SOX6: variants seen among roughly 807,000 people sequenced by gnomAD.
SOX6 encodes the protein SRY-box transcription factor 6, also known as transcription factor SOX-6.
SOX6 carries 11 observed loss-of-function variants against 97.8 expected under a neutral mutation model. That is an observed-to-expected ratio of 0.11 (90% CI 0.07 to 0.19). The LOEUF is 0.19. SOX6 is among the 10% of genes least tolerant of loss of function. SOX6 has a pLI of 1.00. For synonymous variants in SOX6, 360 were observed against 371.4 expected, an observed-to-expected ratio of 0.97 and a Z score of 0.35; for missense variants, 810 against 1,039.5, an observed-to-expected ratio of 0.78 and a Z score of 3.04.
chr11:16,053,596 G>A (rs1832963070), intron 10 of SOX6, among the ~76,000 whole-genome samples: 1 of 152,090 alleles, frequency 6.6e-6, no homozygotes, highest in African/African-American at 2.4e-5. Flanking sequence ...ACACTAAGTG[G>A]CTTGGCCAAG....
chr11:16,595,092 G>C (rs971810068), intron 4 of SOX6, among the ~76,000 whole-genome samples: 22 of 152,122 alleles, frequency 1.4e-4, no homozygotes, highest in Non-Finnish European at 3.2e-4. Flanking sequence ...ATATGACTAA[G>C]AGGATGTTTT....
chr11:16,129,270 G>A (rs1416189615), intron 6 of SOX6, among the ~76,000 whole-genome samples: 17 of 152,026 alleles, frequency 1.1e-4, no homozygotes, highest in African/African-American at 2.4e-5. Context: ...CCTACATCAT[G>A]TAAAGAGGAT....
rs189642841 is a variant in SOX6 at position 16,372,676 on chromosome 11, T to C, written c.-4-31424A>G. Among the ~76,000 whole-genome samples the C allele has an allele frequency of 3.9e-5, 6 of 152,106 alleles. No individual in the cohort carries two copies. The East Asian group carries it at 1.2e-3, about 29-fold the overall frequency. On this transcript the variant is annotated intron_variant, in intron 1 of 15. Transcript: ENST00000396356. ...ACACTGATTTTTCACAGGAGAGGAA[T>C]TGCAGAATAATTTAAATAAAAGCAA...
intron 3 of SOX6, among the ~76,000 whole-genome samples, chr11:16,634,989 C>A (rs1848763241): frequency 6.6e-6 from 1 of 152,194 alleles, no homozygotes; most frequent in Admixed American, 6.5e-5. Flanking sequence ...GCTTCCCCTT[C>A]TGACATGATT....
At chr11:16,005,269 A>T (rs1056839435) in intron 13 of SOX6, among the ~76,000 whole-genome samples, 1 of 152,042 alleles carries the variant, frequency 6.6e-6, no homozygotes, top group Non-Finnish European at 1.5e-5. Context: ...ATATTTCAAA[A>T]GGTTCTCTAC....
At chr11:16,034,215 G>C (rs1320547869) in intron 12 of SOX6, among the ~76,000 whole-genome samples, 2 of 152,194 alleles carry the variant, frequency 1.3e-5, no homozygotes, top group Admixed American at 6.5e-5. Flanking sequence ...GATCTCCTTT[G>C]TTGAGAACTA....
intron 12 of SOX6, among the ~76,000 whole-genome samples, chr11:16,024,519 T>C (rs189180393): frequency 2.0e-5 from 3 of 151,314 alleles, no homozygotes; most frequent in Non-Finnish European, 4.4e-5. Flanking sequence ...TCCATCTATA[T>C]ATTTATCTAT....
At position 16,116,465 on chromosome 11, in the gene SOX6, CATCCTTTGAAAAACAGATCTAAGAT is replaced by C. The variant is rs1353388569; in HGVS notation, c.778-4567_778-4543del. ...TATCATATTACATTAAGCATGAAGT[CATCCTTTGAAAAACAGATCTAAGAT>C]AAGGAATATGATTATTGGTGATAAT... On this transcript the variant is annotated intron_variant, in intron 6 of 15. Coordinates refer to ENST00000683767, the MANE Select transcript of SOX6 (RefSeq NM_001367873.1). Among the ~76,000 whole-genome samples the C allele has an allele frequency of 7.3e-4, 111 of 152,206 alleles. 1 individual carries two copies. The highest frequency in any genetic ancestry group is 1.3e-3 in the Non-Finnish European group (91 of 68,004).
chr11:16,130,040 T>C (rs1366256647), intron 6 of SOX6, among the ~76,000 whole-genome samples: 2 of 151,982 alleles, frequency 1.3e-5, no homozygotes, highest in African/African-American at 4.8e-5. Flanking sequence ...AATATAATCA[T>C]AATCATAGAA....
At chr11:16,590,466 T>C (rs1401787130) in intron 4 of SOX6, among the ~76,000 whole-genome samples, 1 of 152,182 alleles carries the variant, frequency 6.6e-6, no homozygotes, top group Non-Finnish European at 1.5e-5. Context: ...TGGACTTCAC[T>C]AACTACATCA....
At chr11:16,485,396 G>T (rs1459425902) in intron 4 of SOX6, among the ~76,000 whole-genome samples, 1 of 152,022 alleles carries the variant, frequency 6.6e-6, no homozygotes, top group Non-Finnish European at 1.5e-5. Context: ...AACCGGCCTG[G>T]ACAACAAAGT....
intron 3 of SOX6, among the ~76,000 whole-genome samples, chr11:16,252,109 C>T (rs1428382241): frequency 6.6e-6 from 1 of 152,082 alleles, no homozygotes; most frequent in Non-Finnish European, 1.5e-5. Flanking sequence ...AAAATATCTA[C>T]TATTACTCCT....
intron 3 of SOX6, among the ~76,000 whole-genome samples, chr11:16,658,193 A>G (rs1331076090): frequency 6.6e-6 from 1 of 152,154 alleles, no homozygotes. Flanking sequence ...TTGGCAATCT[A>G]GTGGGTATAA....
intron 1 of SOX6, among the ~76,000 whole-genome samples, chr11:16,344,605 A>G (rs1054596102): frequency 6.6e-6 from 1 of 151,962 alleles, no homozygotes; most frequent in South Asian, 2.1e-4. Flanking sequence ...GAATGCTTAC[A>G]TTTATTTTAA....
chr11:16,653,194 T>C (rs142316263), intron 3 of SOX6, among the ~76,000 whole-genome samples: 1,711 of 152,284 alleles, frequency 0.011, 24 homozygotes, highest in African/African-American at 0.039. Flanking sequence ...ACAACCACTA[T>C]GGAAAACAGT....
chr11:16,191,853 C>CT (rs150673404), intron 4 of SOX6, among the ~76,000 whole-genome samples: 28 of 87,952 alleles, frequency 3.2e-4, no homozygotes, highest in African/African-American at 4.7e-4. Context: ...TTTTTTTTTT[C>CT]TTTTTTTTCT....
intron 3 of SOX6, among the ~76,000 whole-genome samples, chr11:16,682,765 G>A (rs1043574473): frequency 6.6e-6 from 1 of 152,148 alleles, no homozygotes; most frequent in Non-Finnish European, 1.5e-5. Flanking sequence ...AAGAAATAAA[G>A]GGTATTCAAT....
chr11:16,412,885 G>C (rs1858850190), intron 1 of SOX6, among the ~76,000 whole-genome samples: 1 of 152,110 alleles, frequency 6.6e-6, no homozygotes, highest in Admixed American at 6.6e-5. Context: ...GCCTGGCTTG[G>C]ATAGCATGTT....
chr11:16,151,943 T>C (rs2134057146), intron 6 of SOX6, among the ~76,000 whole-genome samples: 1 of 152,314 alleles, frequency 6.6e-6, no homozygotes, highest in South Asian at 2.1e-4. Context: ...ATCTGGCAAT[T>C]AGTCAAAATA....
Sources: gnomAD v4.1 joint callset for allele counts (sites outside exome capture counted in the v4.1 genomes callset) on GRCh38, gnomAD v4.1.1 for gene constraint, MANE v1.5 for transcripts, NCBI Gene and HGNC (gene_info 2026-07-23, HGNC 2026-07-21) for gene names.